Variants in DOCK1 observed in about 807,000 individuals in gnomAD.
The protein encoded by DOCK1 is dedicator of cytokinesis protein 1.
Under a neutral mutation model 262.7 loss-of-function variants are expected in DOCK1, and 138 were observed. The observed-to-expected ratio is 0.53, with a 90% CI of 0.46 to 0.61. The LOEUF is 0.61. Ranked by LOEUF, DOCK1 falls within the 20% of genes least tolerant of loss-of-function variation. DOCK1 has a pLI of 0.00. For synonymous variants in DOCK1, 866 were observed against 867.4 expected (o/e 1.00, Z 0.03); for missense variants, 1,908 against 2,370.7 (o/e 0.80, Z 4.05).
chr10:126,947,552 G>C (rs1234912589), intron 1 of DOCK1, among the ~76,000 whole-genome samples: 1 of 139,490 alleles, frequency 7.2e-6, no homozygotes. Context: ...TGGTGATGGT[G>C]GTGGTTGGTA....
In DOCK1 at chr10:127,432,229, A is replaced by G. The variant is rs1194017914; in HGVS notation, c.4915-1054A>G. Among the ~76,000 whole-genome samples, 8 of 152,310 alleles carry G rather than the reference A, an allele frequency of 5.3e-5. No individual in the cohort carries two copies. The East Asian group carries it at 1.3e-3, about 26-fold the overall frequency. On this transcript the variant is annotated intron_variant, in intron 47 of 51. Transcript: ENST00000623213. ...CTTTTACAATTTTGAGCTTCTTATT[A>G]TGAAAGAGATAGTTTACACATCAAA...
intron 50 of DOCK1, among the ~76,000 whole-genome samples, chr10:127,445,150 A>C (rs2070452545): frequency 6.6e-6 from 1 of 152,120 alleles, no homozygotes. Flanking sequence ...TAAGTGGCAG[A>C]CAGCTTTTCA....
intron 29 of DOCK1, among the ~76,000 whole-genome samples, chr10:127,312,458 T>C (rs1257352145): frequency 6.6e-6 from 1 of 152,152 alleles, no homozygotes; most frequent in Non-Finnish European, 1.5e-5. Flanking sequence ...CTTGCATTCT[T>C]AAGTCCCCAT....
At chr10:126,917,616 G>A (rs2032653922) in intron 1 of DOCK1, among the ~76,000 whole-genome samples, 1 of 152,164 alleles carries the variant, frequency 6.6e-6, no homozygotes, top group Admixed American at 6.5e-5. Flanking sequence ...GGGCACTGCT[G>A]GCCTCATCAC....
intron 29 of DOCK1, among the ~76,000 whole-genome samples, chr10:127,274,794 C>T (rs1437301717): frequency 6.6e-6 from 1 of 152,078 alleles, no homozygotes; most frequent in Non-Finnish European, 1.5e-5. Flanking sequence ...CCCATTATGA[C>T]CCTCCTAAGG....
intron 29 of DOCK1, among the ~76,000 whole-genome samples, chr10:127,304,195 C>T (rs373845039): frequency 1.6e-4 from 25 of 152,164 alleles, no homozygotes; most frequent in East Asian, 1.2e-3. Context: ...GGGTGGGGGC[C>T]GGAGCTGAGG....
chr10:126,990,743 A>G, intron 6 of DOCK1, 140 bp downstream of exon 6: 1 of 1,144,612 alleles, frequency 8.7e-7, no homozygotes, highest in Non-Finnish European at 1.2e-6. Flanking sequence ...TTTCATTTTG[A>G]AAAGGATGAG....
At chr10:127,422,066 C>A (rs2068543470) in intron 46 of DOCK1, among the ~76,000 whole-genome samples, 1 of 151,244 alleles carries the variant, frequency 6.6e-6, no homozygotes. Context: ...CCAAACTCTT[C>A]TACGGTCACA....
chr10:127,047,685 A>G (rs1202406628), intron 21 of DOCK1, among the ~76,000 whole-genome samples: 3 of 152,126 alleles, frequency 2.0e-5, no homozygotes, highest in Admixed American at 1.3e-4. Flanking sequence ...CCACTCCCAG[A>G]CAAGCAGCCA....
chr10:127,272,966 G>A (rs2060622333), intron 29 of DOCK1, among the ~76,000 whole-genome samples: 2 of 152,100 alleles, frequency 1.3e-5, no homozygotes, highest in Admixed American at 6.5e-5. Context: ...ACAACATGTG[G>A]GAATTCAAGA....
intron 1 of DOCK1, among the ~76,000 whole-genome samples, chr10:126,928,704 A>G (rs1295474460): frequency 6.6e-6 from 1 of 152,236 alleles, no homozygotes; most frequent in African/African-American, 2.4e-5. Flanking sequence ...GACGCATGAG[A>G]ACTCAGCCAT....
intron 33 of DOCK1, among the ~76,000 whole-genome samples, chr10:127,364,887 C>G (rs1057425709): frequency 2.0e-5 from 3 of 151,812 alleles, no homozygotes; most frequent in African/African-American, 7.3e-5. Flanking sequence ...TCCATGATAG[C>G]AGAAGGTCTC....
At chr10:127,343,569 T>A (rs564947001) in intron 30 of DOCK1, 77 bp from the exon 31 acceptor site, 28 of 1,171,116 alleles carry the variant, frequency 2.4e-5, no homozygotes, top group African/African-American at 1.7e-4. Context: ...GAGCAAATGA[T>A]AAATGTCTGA....
At chr10:127,265,606 C>A (rs577634848) in intron 29 of DOCK1, among the ~76,000 whole-genome samples, 73 of 152,344 alleles carry the variant, frequency 4.8e-4, no homozygotes, top group African/African-American at 1.7e-3. Context: ...TTTCACCAGC[C>A]TGCCATATAT....
chr10:126,998,393 G>A, intron 8 of DOCK1, 144 bp downstream of exon 8: 1 of 1,114,174 alleles, frequency 9.0e-7, no homozygotes, highest in Non-Finnish European at 1.3e-6. Context: ...GTCAAGAGCT[G>A]TCTTAGACAG....
chr10:126,907,809 G>T (rs1047549868), intron 1 of DOCK1, among the ~76,000 whole-genome samples: 14 of 151,954 alleles, frequency 9.2e-5, no homozygotes, highest in Non-Finnish European at 1.8e-4. Flanking sequence ...CGCTCATGGT[G>T]GTGACTTCTA....
intron 38 of DOCK1, among the ~76,000 whole-genome samples, chr10:127,392,727 G>A (rs2134209269): frequency 6.6e-6 from 1 of 152,256 alleles, no homozygotes; most frequent in Non-Finnish European, 1.5e-5. Context: ...AGAGCGAAAG[G>A]CCATGCCTCC....
intron 23 of DOCK1, among the ~76,000 whole-genome samples, chr10:127,102,390 G>A (rs754879520): frequency 1.3e-5 from 2 of 152,126 alleles, no homozygotes; most frequent in South Asian, 2.1e-4. Context: ...GAATACTTAC[G>A]TCATAGATGA....
rs1346700583 is a variant in DOCK1 at position 126,940,745 on chromosome 10, G to A, written c.47-29957G>A. On this transcript the variant is annotated intron_variant, in intron 1 of 51. Transcript: ENST00000623213. ...GTAAACAAACTCTCAGTTCAAATAA[G>A]TCAGAGTGCCTTTTTTTGTAGTTGG... 2.6e-5 allele frequency among the ~76,000 whole-genome samples: 4 copies of A among 152,244 alleles called. No individual in the cohort carries two copies. The South Asian group carries it at 6.2e-4, about 24-fold the overall frequency.
Sources: gnomAD v4.1 joint callset for allele counts (sites outside exome capture counted in the v4.1 genomes callset) on GRCh38, gnomAD v4.1.1 for gene constraint, MANE v1.5 for transcripts, NCBI Gene and HGNC (gene_info 2026-07-23, HGNC 2026-07-21) for gene names.